Variants in CA10 observed in about 807,000 individuals in gnomAD.
The protein encoded by CA10 is carbonic anhydrase-related protein 10.
CA10 carries 14 observed loss-of-function variants against 44.2 expected under a neutral mutation model. That is an observed-to-expected ratio of 0.32 (90% CI 0.21 to 0.50). The LOEUF is 0.50. Ranked by LOEUF, CA10 falls within the 20% of genes least tolerant of loss-of-function variation. The probability of loss-of-function intolerance (pLI) is 0.99; values close to 1 mark genes in which losing one functional copy is unlikely to be tolerated. For synonymous variants in CA10, 159 were observed against 141.6 expected (o/e 1.12, Z -0.87); for missense variants, 350 against 409.7 (o/e 0.85, Z 1.26).
At chr17:51,962,033 CAG>C (rs973185122) in intron 2 of CA10, among the ~76,000 whole-genome samples, 5 of 152,216 alleles carry the variant, frequency 3.3e-5, no homozygotes, top group Non-Finnish European at 5.9e-5. Context: ...TCCTCCTGTG[CAG>C]AGACTGTGGT....
At chr17:51,820,314 A>G (rs1192118898) in intron 3 of CA10, among the ~76,000 whole-genome samples, 1 of 149,396 alleles carries the variant, frequency 6.7e-6, no homozygotes, top group Non-Finnish European at 1.5e-5. Flanking sequence ...ACTGACACAC[A>G]GTGGGTATTC....
At chr17:51,969,553 T>C (rs1168565792) in intron 2 of CA10, among the ~76,000 whole-genome samples, 3 of 152,052 alleles carry the variant, frequency 2.0e-5, no homozygotes, top group Admixed American at 2.0e-4. Flanking sequence ...AGGAGAACAG[T>C]GTCCCCTCTA....
At chr17:51,876,592 C>T (rs1404327030) in intron 3 of CA10, among the ~76,000 whole-genome samples, 1 of 152,066 alleles carries the variant, frequency 6.6e-6, no homozygotes, top group East Asian at 1.9e-4. Context: ...ATCCTTGGAT[C>T]TATCCATTAG....
chr17:51,982,399 A>C (rs1984681410), intron 2 of CA10, among the ~76,000 whole-genome samples: 1 of 151,932 alleles, frequency 6.6e-6, no homozygotes, highest in African/African-American at 2.4e-5. Context: ...ATTCAGCTAT[A>C]TTCTGTCACT....
At chr17:51,723,055 A>G (rs1369093382) in intron 4 of CA10, among the ~76,000 whole-genome samples, 1 of 152,178 alleles carries the variant, frequency 6.6e-6, no homozygotes, top group Non-Finnish European at 1.5e-5. Flanking sequence ...GTTGAGGCAA[A>G]GATTGGAAAA....
intron 2 of CA10, among the ~76,000 whole-genome samples, chr17:51,934,712 C>A (rs1318583499): frequency 6.6e-6 from 1 of 152,056 alleles, no homozygotes; most frequent in African/African-American, 2.4e-5. Context: ...TGATTGCACA[C>A]AAAGAGCTGC....
chr17:51,769,503 T>C (rs1165744424), intron 3 of CA10, among the ~76,000 whole-genome samples: 3 of 151,522 alleles, frequency 2.0e-5, no homozygotes, highest in African/African-American at 7.3e-5. Flanking sequence ...TGATGGGGAG[T>C]GGGTTAAAGG....
intron 4 of CA10, among the ~76,000 whole-genome samples, chr17:51,666,395 A>C (rs2143331612): frequency 6.6e-6 from 1 of 152,318 alleles, no homozygotes; most frequent in Middle Eastern, 3.4e-3. Context: ...AGTCATCCAA[A>C]GTTTGAAGAT....
At chr17:52,015,342 T>G (rs1985934896) in intron 2 of CA10, among the ~76,000 whole-genome samples, 1 of 152,136 alleles carries the variant, frequency 6.6e-6, no homozygotes, top group South Asian at 2.1e-4. Context: ...GTTAGTTTCC[T>G]CTTCAATTGC....
At chr17:52,097,397 A>G (rs915764930) in intron 1 of CA10, among the ~76,000 whole-genome samples, 6 of 152,198 alleles carry the variant, frequency 3.9e-5, no homozygotes, top group African/African-American at 1.4e-4. Flanking sequence ...TATATTTTGT[A>G]CATCAAATGG....
At chr17:51,981,025 AC>A (rs1984636308) in intron 2 of CA10, among the ~76,000 whole-genome samples, 1 of 152,112 alleles carries the variant, frequency 6.6e-6, no homozygotes, top group Non-Finnish European at 1.5e-5. Context: ...CACTGGTGAC[AC>A]CAAATGCTGG....
chr17:52,103,000 GCA>G (rs1450868258), intron 1 of CA10, among the ~76,000 whole-genome samples: 1 of 151,564 alleles, frequency 6.6e-6, no homozygotes, highest in Non-Finnish European at 1.5e-5. Context: ...CCTGCTATGT[GCA>G]CGCACTTCTC....
At chr17:51,862,888 C>T (rs1979376857) in intron 3 of CA10, among the ~76,000 whole-genome samples, 1 of 152,064 alleles carries the variant, frequency 6.6e-6, no homozygotes, top group Admixed American at 6.6e-5. Flanking sequence ...ATCCTCACAA[C>T]CTCATCTAAC....
intron 6 of CA10, among the ~76,000 whole-genome samples, chr17:51,642,345 T>C (rs1197545881): frequency 1.3e-5 from 2 of 152,192 alleles, no homozygotes; most frequent in Admixed American, 1.3e-4. Context: ...TCGTCACATT[T>C]AACACCACGT....
At position 51,898,917 on chromosome 17, in the gene CA10, T is replaced by G. The variant is rs371579063; in HGVS notation, c.279+32073A>C. On this transcript the variant is annotated intron_variant, in intron 3 of 8. Transcript: ENST00000451037. ...GTAACGTCCCCTTTGCCATTTCTGG[T>G]TGTGTTTATTTAGATCTTCTTTTTT... Among the ~76,000 whole-genome samples the G allele has an allele frequency of 8.6e-5, 13 of 151,132 alleles. No homozygotes were observed. In the South Asian group the frequency reaches 2.7e-3, roughly 32 times the overall value.
intron 2 of CA10, 125 bp from the exon 3 acceptor site, chr17:51,931,257 G>T: frequency 7.0e-6 from 6 of 859,696 alleles, no homozygotes; most frequent in Non-Finnish European, 1.1e-5. Flanking sequence ...CACCCATGGA[G>T]ATCCTTGGGG....
At chr17:52,051,012 GGAAC>G (rs1466511014) in intron 2 of CA10, among the ~76,000 whole-genome samples, 1 of 149,384 alleles carries the variant, frequency 6.7e-6, no homozygotes, top group Non-Finnish European at 1.5e-5. Context: ...AAGGAAGGAA[GGAAC>G]GAAGGAAGGA....
intron 4 of CA10, among the ~76,000 whole-genome samples, chr17:51,723,409 G>A (rs902176107): frequency 6.6e-6 from 1 of 152,150 alleles, no homozygotes; most frequent in African/African-American, 2.4e-5. Context: ...TGAGAAACGT[G>A]GTTCAGAACC....
intron 2 of CA10, among the ~76,000 whole-genome samples, chr17:52,058,391 TTGTC>T (rs1320577516): frequency 3.3e-5 from 5 of 152,340 alleles, no homozygotes; most frequent in Middle Eastern, 3.4e-3. Context: ...CATTGTCTTA[TTGTC>T]TGTATTTTAC....
Sources: allele counts gnomAD v4.1 joint callset (sites outside exome capture counted in the v4.1 genomes callset), GRCh38; gene constraint gnomAD v4.1.1; transcripts MANE v1.5; gene names NCBI Gene and HGNC (gene_info 2026-07-23, HGNC 2026-07-21).